The following GDI2 variants were observed in gnomAD, a reference collection of about 807,000 sequenced individuals.
GDI2 encodes GDP dissociation inhibitor 2.
Under a neutral mutation model 54.2 loss-of-function variants are expected in GDI2, and 22 were observed. The observed-to-expected ratio is 0.41, with a 90% CI of 0.29 to 0.58. The LOEUF is 0.58. GDI2 is among the 20% of genes least tolerant of loss of function. The pLI is 0.35. For missense variants in GDI2, 422 were observed against 546.0 expected (o/e 0.77, Z 2.26); for synonymous variants, 177 against 182.1 (o/e 0.97, Z 0.23).
intron 6 of GDI2, among the ~76,000 whole-genome samples, chr10:5,775,676 A>T (rs1840601947): frequency 6.6e-6 from 1 of 152,238 alleles, no homozygotes; most frequent in Non-Finnish European, 1.5e-5. Context: ...CACCAGAAAT[A>T]AACAGCTGAA....
intron 5 of GDI2, 119 bp from the exon 6 acceptor site, chr10:5,785,392 T>G: frequency 1.3e-6 from 1 of 754,324 alleles, no homozygotes. Flanking sequence ...TTTTGTTTTT[T>G]GAGACAGGGT....
At chr10:5,773,698 C>T in intron 7 of GDI2, 144 bp downstream of exon 7, 1 of 598,038 alleles carries the variant, frequency 1.7e-6, no homozygotes, top group East Asian at 2.9e-5. Flanking sequence ...AGCACAGCAA[C>T]TGTAATTAGT....
intron 7 of GDI2, 93 bp downstream of exon 7, chr10:5,773,749 T>C (rs1039041827): frequency 1.6e-5 from 11 of 693,036 alleles, no homozygotes; most frequent in South Asian, 4.8e-5. Flanking sequence ...ACAGAAATCA[T>C]ATGCATCAGT....
intron 6 of GDI2, among the ~76,000 whole-genome samples, chr10:5,775,587 A>AACGAGCC (rs1840600166): frequency 6.6e-6 from 1 of 152,226 alleles, no homozygotes; most frequent in Non-Finnish European, 1.5e-5. Flanking sequence ...AGAAGGAGCC[A>AACGAGCC]ACAAATCTAT....
chr10:5,789,073 G>A (rs1840947653), intron 4 of GDI2, among the ~76,000 whole-genome samples: 1 of 150,890 alleles, frequency 6.6e-6, no homozygotes, highest in Admixed American at 6.6e-5. Flanking sequence ...AGCCAGGTTT[G>A]TTTTTTCTTT....
chr10:5,790,541 GA>G, intron 4 of GDI2, among the ~76,000 whole-genome samples: 1 of 152,270 alleles, frequency 6.6e-6, no homozygotes, highest in African/African-American at 2.4e-5. Flanking sequence ...GATACTTGGG[GA>G]GGCTGAGGCA....
intron 1 of GDI2, among the ~76,000 whole-genome samples, chr10:5,802,371 C>T (rs913010104): frequency 3.3e-5 from 5 of 151,908 alleles, no homozygotes; most frequent in Admixed American, 6.6e-5. Context: ...GAGGCCGAGG[C>T]GGGTGGATCA....
chr10:5,792,958 C>G (rs1446532661), intron 4 of GDI2, among the ~76,000 whole-genome samples: 1 of 100,702 alleles, frequency 9.9e-6, no homozygotes, highest in Non-Finnish European at 2.0e-5. Context: ...CGACCTTTGT[C>G]CAAAAAAAAA....
chr10:5,787,545 T>G (rs1347448811), intron 4 of GDI2, among the ~76,000 whole-genome samples: 1 of 151,732 alleles, frequency 6.6e-6, no homozygotes, highest in East Asian at 1.9e-4. Context: ...TAATGACAAC[T>G]GACTACATTT....
chr10:5,767,840 A>C (rs191422192), intron 8 of GDI2, among the ~76,000 whole-genome samples: 3 of 152,318 alleles, frequency 2.0e-5, no homozygotes, highest in Non-Finnish European at 4.4e-5. Context: ...AAATGTAGGT[A>C]CTAGGATTAC....
chr10:5,810,376 T>C (rs1841460007), intron 1 of GDI2, among the ~76,000 whole-genome samples: 1 of 152,370 alleles, frequency 6.6e-6, no homozygotes. Context: ...ACAAGACTCG[T>C]GAATTTATTT....
chr10:5,781,940 G>A (rs1436292934), intron 6 of GDI2, among the ~76,000 whole-genome samples: 1 of 152,180 alleles, frequency 6.6e-6, no homozygotes, highest in Non-Finnish European at 1.5e-5. Context: ...TTGAACCTGG[G>A]AGGCAGAGGT....
chr10:5,784,801 T>A (rs1447823199), intron 6 of GDI2, among the ~76,000 whole-genome samples: 1 of 152,198 alleles, frequency 6.6e-6, no homozygotes, highest in Non-Finnish European at 1.5e-5. Flanking sequence ...CTCTCAGGCG[T>A]GGATACCAGC....
In GDI2 at chr10:5,788,047, G is replaced by A. The variant is rs150034553; in HGVS notation, c.389-1997C>T. Among the ~76,000 whole-genome samples the A allele has an allele frequency of 7.3e-4, 111 of 152,254 alleles. 2 individuals carry two copies. The Middle Eastern group carries it at 0.031, about 42-fold the overall frequency. On this transcript the variant is annotated intron_variant, in intron 4 of 10. Transcript: ENST00000380191. Reference sequence around the variant, plus strand: ...CCTTAATTCCATGTTGCTATGCATGGCGCCAAATAGTGATCTCAATGACTA... The same window carrying A: ...CCTTAATTCCATGTTGCTATGCATGACGCCAAATAGTGATCTCAATGACTA...
rs77479117 is a variant in GDI2 at position 5,768,752 on chromosome 10, C to T, written c.820-368G>A. On this transcript the variant is annotated intron_variant, in intron 7 of 10. Transcript: ENST00000380191. This position sits in a 1 kb window ranked among gnomAD's most constrained non-coding sequence, Gnocchi z 4.4. ...GGGAAAAAAAGTCATTTCAACAAAC[C>T]GTCCTGGGAAAACTATCCACATGCA... 4,911 of 166,942 alleles carry T rather than the reference C, an allele frequency of 0.029. 102 individuals carry two copies. Among genetic ancestry groups the T allele is most frequent in the Middle Eastern group, 0.073 (26 of 356 alleles). 10.3% of individuals were successfully genotyped at this position (166,942 alleles called of 1,614,324 possible).
At position 5,800,713 on chromosome 10, in the gene GDI2, A is replaced by G; in HGVS notation, c.46-8T>C. On this transcript the variant is annotated splice_polypyrimidine_tract_variant and splice_region_variant and intron_variant, in intron 1 of 10. Coordinates refer to ENST00000380191, the MANE Select transcript of GDI2 (RefSeq NM_001494.4). ...ACCTGACAGGATACATTCCTATAGAAAAAGCATAGTACCTTGAAAAGAAAG... is the reference window on the plus strand; with the variant it reads ...ACCTGACAGGATACATTCCTATAGAGAAAGCATAGTACCTTGAAAAGAAAG... 7.5e-7 allele frequency: 1 copy of G among 1,337,294 alleles called. No individual in the cohort carries two copies. Among genetic ancestry groups the G allele is most frequent in the Non-Finnish European group, 1.1e-6 (1 of 927,294 alleles). 82.8% of individuals were successfully genotyped at this position (1,337,294 alleles called of 1,614,324 possible).
At chr10:5,773,351 GA>G (rs1290290118) in intron 7 of GDI2, among the ~76,000 whole-genome samples, 1 of 152,086 alleles carries the variant, frequency 6.6e-6, no homozygotes, top group East Asian at 1.9e-4. Context: ...AAAGGGAAAC[GA>G]TCTTTTTTTC....
intron 6 of GDI2, among the ~76,000 whole-genome samples, chr10:5,779,922 G>T (rs1057410643): frequency 2.2e-4 from 34 of 151,632 alleles, no homozygotes; most frequent in African/African-American, 7.7e-4. Context: ...CCAACTCCTG[G>T]GCTTCAAGCG....
chr10:5,803,042 T>C (rs1383304177), intron 1 of GDI2, among the ~76,000 whole-genome samples: 1 of 152,250 alleles, frequency 6.6e-6, no homozygotes, highest in Non-Finnish European at 1.5e-5. Flanking sequence ...TGTTTTCATA[T>C]ACTTCAGCCT....
Sources: gnomAD v4.1 joint callset for allele counts (sites outside exome capture counted in the v4.1 genomes callset) on GRCh38, gnomAD v4.1.1 for gene constraint, Gnocchi (gnomAD v3.1) non-coding constraint, MANE v1.5 for transcripts, NCBI Gene and HGNC (gene_info 2026-07-23, HGNC 2026-07-21) for gene names.